Variants in RARB observed in about 807,000 individuals in gnomAD.
RARB encodes the protein HBV-activated protein.
A neutral mutation model predicts 51.9 loss-of-function variants in RARB; 17 were observed. The ratio of observed to expected loss-of-function variants is 0.33; its 90% confidence interval spans 0.22 to 0.49. The LOEUF is 0.49. Ranked by LOEUF, RARB falls within the 20% of genes least tolerant of loss-of-function variation. The probability of loss-of-function intolerance (pLI) is 0.99; values close to 1 mark genes in which losing one functional copy is unlikely to be tolerated. For synonymous variants in RARB, 215 were observed against 195.4 expected, an observed-to-expected ratio of 1.10 and a Z score of -0.84; for missense variants, 369 against 550.8, an observed-to-expected ratio of 0.67 and a Z score of 3.30.
intron 5 of RARB, among the ~76,000 whole-genome samples, chr3:25,263,942 G>C (rs1308776242): frequency 6.6e-6 from 1 of 152,092 alleles, no homozygotes; most frequent in Non-Finnish European, 1.5e-5. Context: ...ATTTCTCTTA[G>C]AGCTCTAGAA....
intron 5 of RARB, among the ~76,000 whole-genome samples, chr3:25,587,219 A>G (rs1337373391): frequency 6.6e-6 from 1 of 152,210 alleles, no homozygotes; most frequent in Non-Finnish European, 1.5e-5. Context: ...AGCTGTAATC[A>G]TCAGTCTTGA....
At chr3:25,450,143 C>T (rs902508612) in intron 1 of RARB, among the ~76,000 whole-genome samples, 2 of 152,142 alleles carry the variant, frequency 1.3e-5, no homozygotes, top group Non-Finnish European at 2.9e-5. Context: ...GACTAGCCTA[C>T]AGTATATGCT....
intron 5 of RARB, among the ~76,000 whole-genome samples, chr3:25,326,432 G>T (rs937989285): frequency 6.6e-6 from 1 of 152,152 alleles, no homozygotes; most frequent in Non-Finnish European, 1.5e-5. Flanking sequence ...GATGTCCCCA[G>T]TTGTTTATTA....
chr3:25,425,782 T>C (rs930362460), upstream of RARB, among the ~76,000 whole-genome samples: 2 of 152,286 alleles, frequency 1.3e-5, no homozygotes, highest in Admixed American at 6.5e-5. Flanking sequence ...GCTGATTCCA[T>C]AGCTTAAGAA....
At chr3:25,188,847 A>T (rs1378194294) in intron 5 of RARB, among the ~76,000 whole-genome samples, 2 of 152,132 alleles carry the variant, frequency 1.3e-5, no homozygotes, top group Non-Finnish European at 2.9e-5. Context: ...CTTGTGAAAA[A>T]ATTATATGTG....
At chr3:25,250,817 C>A (rs1273515342) in intron 5 of RARB, among the ~76,000 whole-genome samples, 1 of 152,204 alleles carries the variant, frequency 6.6e-6, no homozygotes, top group East Asian at 1.9e-4. Context: ...TCAGGCAGCT[C>A]CCTGTGTTAG....
chr3:25,255,132 G>C (rs1221088867), intron 5 of RARB, among the ~76,000 whole-genome samples: 1 of 152,046 alleles, frequency 6.6e-6, no homozygotes, highest in Non-Finnish European at 1.5e-5. Flanking sequence ...TTCTTTACTA[G>C]GCATGAGCAT....
chr3:24,855,711 T>A (rs556200755), intron 1 of RARB, among the ~76,000 whole-genome samples: 1 of 151,708 alleles, frequency 6.6e-6, no homozygotes, highest in South Asian at 2.1e-4. Context: ...AGATTTTCGG[T>A]CTCAGCCTTC....
chr3:24,993,765 C>G (rs115344775), intron 2 of RARB, among the ~76,000 whole-genome samples: 4,522 of 152,156 alleles, frequency 0.03, 200 homozygotes, highest in African/African-American at 0.1. Flanking sequence ...GTATTTAACT[C>G]TCTGTTCCTG....
intron 3 of RARB, among the ~76,000 whole-genome samples, chr3:25,070,936 G>A (rs77023523): frequency 0.061 from 9,294 of 152,184 alleles, 472 homozygotes; most frequent in East Asian, 0.17. Flanking sequence ...CCTTTAAAGC[G>A]TAGCCAGAGT....
intron 2 of RARB, among the ~76,000 whole-genome samples, chr3:24,890,880 T>C (rs1703364323): frequency 6.6e-6 from 1 of 152,182 alleles, no homozygotes; most frequent in Non-Finnish European, 1.5e-5. Context: ...TTGGGTCCAT[T>C]TACCAGCTGT....
chr3:24,926,941 C>T (rs1270381265), intron 2 of RARB, among the ~76,000 whole-genome samples: 1 of 152,016 alleles, frequency 6.6e-6, no homozygotes, highest in African/African-American at 2.4e-5. Flanking sequence ...CTTGTCATAA[C>T]TCAGCTGAAC....
intron 2 of RARB, among the ~76,000 whole-genome samples, chr3:24,872,228 C>A (rs186416362): frequency 2.0e-3 from 302 of 152,262 alleles, no homozygotes; most frequent in African/African-American, 6.9e-3. Flanking sequence ...ATCCCCCTTG[C>A]ACACGGTGGC....
At chr3:25,403,437 A>G (rs1378528897) in intron 5 of RARB, among the ~76,000 whole-genome samples, 1 of 152,186 alleles carries the variant, frequency 6.6e-6, no homozygotes. Flanking sequence ...AAAATAAACA[A>G]TAAAACCCAA....
intron 5 of RARB, among the ~76,000 whole-genome samples, chr3:25,251,191 A>G (rs1425188571): frequency 6.6e-6 from 1 of 152,080 alleles, no homozygotes; most frequent in African/African-American, 2.4e-5. Flanking sequence ...TCCATATTGT[A>G]GCATGCATTA....
At chr3:25,578,803 C>T (rs1200192119) in intron 4 of RARB, among the ~76,000 whole-genome samples, 1 of 152,218 alleles carries the variant, frequency 6.6e-6, no homozygotes, top group South Asian at 2.1e-4. Flanking sequence ...TCCATGCAGA[C>T]GTTCAAAGCA....
intron 5 of RARB, among the ~76,000 whole-genome samples, chr3:25,198,354 T>C (rs1468286474): frequency 2.6e-5 from 4 of 152,014 alleles, no homozygotes; most frequent in African/African-American, 9.7e-5. Context: ...CTGCAGGAAA[T>C]TGATCTGGGC....
At chr3:25,165,804 A>G (rs967820968) in intron 4 of RARB, among the ~76,000 whole-genome samples, 8 of 152,124 alleles carry the variant, frequency 5.3e-5, no homozygotes, top group Non-Finnish European at 1.2e-4. Context: ...CCCTATTTAC[A>G]TTACTACTCT....
chr3:24,863,168 C>A lies in RARB; in HGVS notation c.-380+4416C>A, dbSNP rs138875180. Among the ~76,000 whole-genome samples the A allele has an allele frequency of 1.2e-3, 177 of 152,222 alleles. 2 individuals are homozygous for A. The East Asian group carries it at 0.032, about 27-fold the overall frequency. The stretch of plus-strand genomic sequence containing the variant: ...ATCAGGAGCATCCATTTTGAGATGC[C>A]TCATCTAACTGGGGCTGCAGACAAA... On this transcript the variant is annotated intron_variant, in intron 2 of 11. Coordinates refer to the RARB transcript ENST00000383772.
Sources: gnomAD v4.1 joint callset for allele counts (sites outside exome capture counted in the v4.1 genomes callset) on GRCh38, gnomAD v4.1.1 for gene constraint, MANE v1.5 for transcripts, NCBI Gene and HGNC (gene_info 2026-07-23, HGNC 2026-07-21) for gene names.